Variants in KAZN observed in about 807,000 individuals in gnomAD.
KAZN encodes the protein kazrin.
In KAZN, 40 loss-of-function variants were observed where a neutral mutation model predicts 87.4. That is an observed-to-expected ratio of 0.46 (90% CI 0.36 to 0.60). The LOEUF is 0.60. Among genes scored for constraint, KAZN ranks in the 20% least tolerant of loss-of-function variants. The pLI is 0.00. For missense variants in KAZN, 898 were observed against 1,073.9 expected (o/e 0.84, Z 2.29); for synonymous variants, 466 against 458.3 (o/e 1.02, Z -0.22).
intron 2 of KAZN, among the ~76,000 whole-genome samples, chr1:14,514,598 TATATATATA>T (rs1671191284): frequency 9.7e-5 from 3 of 30,878 alleles, no homozygotes; most frequent in African/African-American, 5.9e-4. Context: ...TTATATTTTA[TATATATATA>T]TATATATATA....
intron 2 of KAZN, among the ~76,000 whole-genome samples, chr1:14,223,370 A>G (rs1647151252): frequency 6.6e-6 from 1 of 152,200 alleles, no homozygotes; most frequent in South Asian, 2.1e-4. Flanking sequence ...CCCAGTGCCA[A>G]TGCCTAAGGA....
intron 1 of KAZN, among the ~76,000 whole-genome samples, chr1:14,868,087 G>A (rs924526270): frequency 1.0e-5 from 1 of 97,408 alleles, no homozygotes; most frequent in African/African-American, 3.1e-5. Context: ...CATCACATAC[G>A]CACGGTATCA....
intron 1 of KAZN, among the ~76,000 whole-genome samples, chr1:14,853,362 T>A (rs534667324): frequency 1.3e-5 from 2 of 152,260 alleles, no homozygotes; most frequent in African/African-American, 4.8e-5. Flanking sequence ...ACCTGCCCAA[T>A]GTTACCTCGT....
In KAZN at chr1:14,774,959, T is replaced by C. The variant is rs141182368; in HGVS notation, c.226+175736T>C. 2.0e-4 allele frequency among the ~76,000 whole-genome samples: 30 copies of C among 152,260 alleles called. No homozygotes were observed. In the East Asian group the frequency reaches 5.0e-3, roughly 25 times the overall value. On this transcript the variant is annotated intron_variant, in intron 1 of 14. Coordinates refer to ENST00000376030, the MANE Select transcript of KAZN (RefSeq NM_201628.3). Reference sequence around the variant, plus strand: ...AGCCCATGGAATATCCAGCACTTGATTGATCAAAAGCAGACACGGTCCTGC... The same window carrying C: ...AGCCCATGGAATATCCAGCACTTGACTGATCAAAAGCAGACACGGTCCTGC...
chr1:14,340,133 G>T (rs1657577897), intron 2 of KAZN, among the ~76,000 whole-genome samples: 1 of 152,176 alleles, frequency 6.6e-6, no homozygotes, highest in Non-Finnish European at 1.5e-5. Flanking sequence ...CCATCAGCAT[G>T]CTGGGTTCTG....
chr1:14,943,007 GGTGTGTGTGTGTGTGTGTGTGTGT>G (rs58102946), intron 1 of KAZN, among the ~76,000 whole-genome samples: 1 of 100,846 alleles, frequency 9.9e-6, no homozygotes, highest in Non-Finnish European at 1.9e-5. Flanking sequence ...GTGTGTGTGT[GGTGTGTGTGTGTGTGTGTGTGTGT>G]GTGTGTGTGT....
In KAZN at chr1:14,599,380, C is replaced by T. The variant is rs1218576373; in HGVS notation, c.226+157C>T. On this transcript the variant is annotated intron_variant, in intron 1 of 14. Transcript: ENST00000376030. This position sits in a 1 kb window ranked among gnomAD's most constrained non-coding sequence, Gnocchi z 4.4. ...CCCGGCGGTGGCCACCGCTGCTCTC[C>T]GGCTGGGAGTTGCAGGCTGCTGTCA... is the stretch of plus-strand genomic sequence containing the variant. Among the ~76,000 whole-genome samples, 3 of 152,132 alleles carry T rather than the reference C, an allele frequency of 2.0e-5. No individual in the cohort carries two copies. The highest frequency in any genetic ancestry group is 1.3e-4 in the Admixed American group (2 of 15,286).
intron 1 of KAZN, among the ~76,000 whole-genome samples, chr1:14,125,777 A>G (rs566640012): frequency 1.3e-5 from 2 of 152,216 alleles, no homozygotes; most frequent in East Asian, 3.9e-4. Flanking sequence ...TGGAAGAAAC[A>G]TTACCCTGAG....
At chr1:14,423,230 C>A (rs1665532825) in intron 2 of KAZN, among the ~76,000 whole-genome samples, 1 of 152,154 alleles carries the variant, frequency 6.6e-6, no homozygotes, top group Admixed American at 6.5e-5. Flanking sequence ...TTCATCCTAG[C>A]TTGACCACAA....
At chr1:14,006,229 A>C (rs1008403028) in intron 1 of KAZN, among the ~76,000 whole-genome samples, 1 of 152,136 alleles carries the variant, frequency 6.6e-6, no homozygotes, top group Non-Finnish European at 1.5e-5. Context: ...TTGCATTGCT[A>C]TAAAGGAATA....
At chr1:14,351,401 T>G (rs1658540411) in intron 2 of KAZN, among the ~76,000 whole-genome samples, 2 of 152,098 alleles carry the variant, frequency 1.3e-5, no homozygotes, top group African/African-American at 4.8e-5. Flanking sequence ...CCATCTCTAC[T>G]AAAACAAAAT....
At chr1:14,670,360 T>A (rs1242838320) in intron 1 of KAZN, among the ~76,000 whole-genome samples, 1 of 149,510 alleles carries the variant, frequency 6.7e-6, no homozygotes, top group Non-Finnish European at 1.5e-5. Context: ...AACAGGTTGC[T>A]GGGTCCCACC....
chr1:14,260,059 C>T (rs4662138), intron 2 of KAZN, among the ~76,000 whole-genome samples: 11,842 of 152,230 alleles, frequency 0.078, 831 homozygotes, highest in African/African-American at 0.16. Context: ...TTTCTACACT[C>T]CTGAAGTCGG....
intron 1 of KAZN, among the ~76,000 whole-genome samples, chr1:14,857,117 C>T (rs1482640707): frequency 6.6e-6 from 1 of 152,020 alleles, no homozygotes; most frequent in Non-Finnish European, 1.5e-5. Flanking sequence ...AGCTGTGTGA[C>T]CTCGCACAAG....
chr1:14,114,300 T>C (rs1644563964), intron 1 of KAZN, among the ~76,000 whole-genome samples: 2 of 152,096 alleles, frequency 1.3e-5, no homozygotes, highest in South Asian at 2.1e-4. Flanking sequence ...ATTGGGGGGA[T>C]CAGTGCACTT....
At chr1:14,738,026 G>A (rs1165466859) in intron 1 of KAZN, among the ~76,000 whole-genome samples, 1 of 152,182 alleles carries the variant, frequency 6.6e-6, no homozygotes, top group African/African-American at 2.4e-5. Flanking sequence ...GGGTACACCA[G>A]GAGAGGAAAT....
chr1:14,136,306 T>C (rs1380451431), intron 1 of KAZN, among the ~76,000 whole-genome samples: 2 of 152,130 alleles, frequency 1.3e-5, no homozygotes, highest in Non-Finnish European at 2.9e-5. Flanking sequence ...GGTAAACTAT[T>C]TAGCCTCACG....
At chr1:14,473,751 C>T (rs2486774) in intron 2 of KAZN, among the ~76,000 whole-genome samples, 48,242 of 151,902 alleles carry the variant, frequency 0.32, 7,892 homozygotes, top group East Asian at 0.4. Context: ...ATGTCTATGC[C>T]GCACCAGCCC....
intron 2 of KAZN, among the ~76,000 whole-genome samples, chr1:14,433,861 A>G (rs924324305): frequency 7.9e-5 from 12 of 152,188 alleles, no homozygotes; most frequent in African/African-American, 2.4e-4. Flanking sequence ...CTCTGTCTCA[A>G]AAACAAAAAA....
Sources: gnomAD v4.1 joint callset for allele counts (sites outside exome capture counted in the v4.1 genomes callset) on GRCh38, gnomAD v4.1.1 for gene constraint, Gnocchi (gnomAD v3.1) non-coding constraint, MANE v1.5 for transcripts, NCBI Gene and HGNC (gene_info 2026-07-23, HGNC 2026-07-21) for gene names.